KCNMB2: variants seen among roughly 807,000 people sequenced by gnomAD.
KCNMB2 encodes the protein potassium calcium-activated channel subfamily M regulatory beta subunit 2.
Under a neutral mutation model 24.5 loss-of-function variants are expected in KCNMB2, and 9 were observed. The observed-to-expected ratio is 0.37, with a 90% CI of 0.22 to 0.64. The LOEUF is 0.64. Among genes scored for constraint, KCNMB2 ranks in the 30% least tolerant of loss-of-function variants. The pLI is 0.63. For synonymous variants in KCNMB2, 109 were observed against 104.4 expected (o/e 1.04, Z -0.27); for missense variants, 226 against 284.3 (o/e 0.79, Z 1.47).
At chr3:178,719,381 T>C (rs1336942960) in intron 1 of KCNMB2, among the ~76,000 whole-genome samples, 1 of 152,212 alleles carries the variant, frequency 6.6e-6, no homozygotes, top group Non-Finnish European at 1.5e-5. Flanking sequence ...CATTTAACCT[T>C]GATCCCCAGA....
chr3:178,581,186 A>G (rs1346809661), intron 1 of KCNMB2, among the ~76,000 whole-genome samples: 1 of 152,228 alleles, frequency 6.6e-6, no homozygotes, highest in Non-Finnish European at 1.5e-5. Flanking sequence ...CCAATGGAAC[A>G]AAACAGAGGC....
At chr3:178,603,729 G>A (rs182118111) in intron 1 of KCNMB2, among the ~76,000 whole-genome samples, 33 of 152,290 alleles carry the variant, frequency 2.2e-4, no homozygotes, top group Admixed American at 1.5e-3. Context: ...CAGTACTGAC[G>A]TGATGATACT....
intron 1 of KCNMB2, among the ~76,000 whole-genome samples, chr3:178,586,679 G>A (rs920328618): frequency 6.7e-6 from 1 of 150,156 alleles, no homozygotes; most frequent in Non-Finnish European, 1.5e-5. Flanking sequence ...TGAGTAGTTG[G>A]GATTACAGGC....
intron 1 of KCNMB2, among the ~76,000 whole-genome samples, chr3:178,794,494 T>C (rs1202340859): frequency 1.3e-5 from 2 of 152,206 alleles, no homozygotes; most frequent in African/African-American, 4.8e-5. Flanking sequence ...CTGCAGGAGT[T>C]GCTGCTGGTC....
chr3:178,685,179 G>T (rs1721422059), intron 1 of KCNMB2, among the ~76,000 whole-genome samples: 1 of 152,164 alleles, frequency 6.6e-6, no homozygotes, highest in South Asian at 2.1e-4. Flanking sequence ...GACAAGCAAG[G>T]GCTCTGAAGT....
intron 1 of KCNMB2, among the ~76,000 whole-genome samples, chr3:178,804,050 G>A (rs1713871142): frequency 6.6e-6 from 1 of 152,180 alleles, no homozygotes; most frequent in Non-Finnish European, 1.5e-5. Context: ...GGTGGAATTA[G>A]ATTCAGGTTT....
chr3:178,805,865 T>C (rs1713947442), intron 1 of KCNMB2, among the ~76,000 whole-genome samples: 1 of 152,160 alleles, frequency 6.6e-6, no homozygotes, highest in Admixed American at 6.5e-5. Context: ...CTCAAATTCC[T>C]GGACTCAAGC....
chr3:178,715,869 G>C (rs1435719412), intron 1 of KCNMB2, among the ~76,000 whole-genome samples: 1 of 152,156 alleles, frequency 6.6e-6, no homozygotes, highest in African/African-American at 2.4e-5. Flanking sequence ...CAGGGCCCTG[G>C]GAGAACAGAA....
intron 1 of KCNMB2, among the ~76,000 whole-genome samples, chr3:178,683,093 C>T (rs2108321465): frequency 6.6e-6 from 1 of 151,984 alleles, no homozygotes; most frequent in East Asian, 1.9e-4. Flanking sequence ...AACCATGGTA[C>T]CCATCAACAG....
intron 1 of KCNMB2, among the ~76,000 whole-genome samples, chr3:178,560,254 T>A (rs899726001): frequency 3.3e-5 from 5 of 152,114 alleles, no homozygotes; most frequent in Non-Finnish European, 7.4e-5. Flanking sequence ...GGGGCTAATT[T>A]ATTAGCAACA....
intron 1 of KCNMB2, among the ~76,000 whole-genome samples, chr3:178,605,181 C>A (rs549244160): frequency 6.6e-6 from 1 of 152,238 alleles, no homozygotes; most frequent in South Asian, 2.1e-4. Context: ...AGGACCAAGA[C>A]CTCATGAATG....
intron 1 of KCNMB2, among the ~76,000 whole-genome samples, chr3:178,569,038 T>C (rs1375410268): frequency 6.6e-6 from 1 of 152,146 alleles, no homozygotes; most frequent in East Asian, 1.9e-4. Context: ...CTTATATAAG[T>C]AAAAATATCA....
intron 3 of KCNMB2, among the ~76,000 whole-genome samples, chr3:178,826,321 C>T (rs1343351814): frequency 6.6e-6 from 1 of 152,198 alleles, no homozygotes; most frequent in East Asian, 1.9e-4. Context: ...TTAATTGGTC[C>T]GGAGTGGGAC....
At chr3:178,834,434 G>C (rs908071194) in intron 4 of KCNMB2, among the ~76,000 whole-genome samples, 2 of 152,134 alleles carry the variant, frequency 1.3e-5, no homozygotes, top group African/African-American at 4.8e-5. Flanking sequence ...CAAATTCTAT[G>C]AATTATTTAT....
intron 1 of KCNMB2, among the ~76,000 whole-genome samples, chr3:178,724,358 T>C (rs1468229162): frequency 1.3e-5 from 2 of 152,016 alleles, no homozygotes; most frequent in African/African-American, 4.8e-5. Flanking sequence ...AGGGTTGTTT[T>C]CTTCCTGTTG....
intron 2 of KCNMB2, among the ~76,000 whole-genome samples, chr3:178,823,802 A>G (rs1359596047): frequency 6.6e-6 from 1 of 152,154 alleles, no homozygotes; most frequent in Non-Finnish European, 1.5e-5. Context: ...GCAAAGTTCC[A>G]CTTTAGAGTC....
chr3:178,601,520 T>C (rs1718084041), intron 1 of KCNMB2, among the ~76,000 whole-genome samples: 2 of 152,100 alleles, frequency 1.3e-5, no homozygotes, highest in African/African-American at 4.8e-5. Flanking sequence ...TCAGTGAATA[T>C]CCCTGTCCAC....
intron 1 of KCNMB2, chr3:178,757,059 A>C (rs1350304389): frequency 6.6e-6 from 1 of 151,286 alleles, no homozygotes. Flanking sequence ...GCCTTTCCTC[A>C]TTACACCCAT....
rs376744027 is a variant in KCNMB2 at position 178,842,916 on chromosome 3, G to T, written c.687G>T (p.Arg229Ser). ...LTQYLSLLCE[R>S]IQRINR ...AGTACCTCTCCCTACTATGTGAGAG[G>T]ATCCAACGGATCAATAGATAAATGC... Residue 229 changes from arginine to serine, a missense_variant, in exon 5 of 5, where the codon AGG becomes AGT. Transcript: ENST00000452583. 1.9e-6 allele frequency: 3 copies of T among 1,606,864 alleles called. No individual in the cohort carries two copies. Among genetic ancestry groups the T allele is most frequent in the Non-Finnish European group, 8.5e-7 (1 of 1,176,274 alleles).
Sources: allele counts gnomAD v4.1 joint callset (sites outside exome capture counted in the v4.1 genomes callset), GRCh38; gene constraint gnomAD v4.1.1; transcripts MANE v1.5; gene names NCBI Gene and HGNC (gene_info 2026-07-23, HGNC 2026-07-21).